Variants in SOS2 observed in about 807,000 individuals in gnomAD.
SOS2 encodes the protein son of sevenless homolog 2.
SOS2 carries 65 observed loss-of-function variants against 148.2 expected under a neutral mutation model. The ratio of observed to expected loss-of-function variants is 0.44; its 90% CI spans 0.36 to 0.54. The LOEUF (loss-of-function observed/expected upper bound fraction) is 0.54. Among genes scored for constraint, SOS2 ranks in the 20% least tolerant of loss-of-function variants. The pLI, the probability that SOS2 is intolerant of heterozygous loss-of-function variation, is 0.00. For synonymous variants in SOS2, 539 were observed against 537.1 expected (o/e 1.00, Z -0.05); for missense variants, 1,341 against 1,590.2 (o/e 0.84, Z 2.67).
At chr14:50,212,123 T>G (rs1886891555) in intron 1 of SOS2, among the ~76,000 whole-genome samples, 1 of 152,006 alleles carries the variant, frequency 6.6e-6, no homozygotes, top group African/African-American at 2.4e-5. Flanking sequence ...ATAAACAAAT[T>G]CAGAACAAAT....
intron 21 of SOS2, among the ~76,000 whole-genome samples, chr14:50,121,415 C>G (rs922428128): frequency 1.3e-5 from 2 of 151,928 alleles, no homozygotes; most frequent in African/African-American, 4.8e-5. Flanking sequence ...ATAAGTTTAA[C>G]TTTAAACACT....
chr14:50,211,032 GATAT>G lies in SOS2; in HGVS notation c.88-6627_88-6624del, dbSNP rs4028229. Among the ~76,000 whole-genome samples the G allele has an allele frequency of 7.5e-3, 1,115 of 149,322 alleles. 27 individuals are homozygous for G. Among genetic ancestry groups the G allele is most frequent in the Non-Finnish European group, 5.9e-3 (394 of 67,220 alleles). On this transcript the variant is annotated intron_variant, in intron 1 of 22. Transcript: ENST00000216373. ...CTATGACTGAGCAATTCCACTATAG[GATAT>G]ATATATATATATTCAGGATAGATTT...
intron 3 of SOS2, among the ~76,000 whole-genome samples, chr14:50,200,525 A>G (rs1398605038): frequency 1.3e-5 from 2 of 152,166 alleles, no homozygotes; most frequent in Non-Finnish European, 2.9e-5. Context: ...AATTAGTCAG[A>G]GTAGCAGTCA....
chr14:50,161,985 G>T (rs970755440), intron 8 of SOS2, among the ~76,000 whole-genome samples: 2 of 151,830 alleles, frequency 1.3e-5, no homozygotes, highest in African/African-American at 4.8e-5. Flanking sequence ...ACCTGCTCAA[G>T]CTATCCTTCT....
intron 16 of SOS2, among the ~76,000 whole-genome samples, chr14:50,140,718 A>G (rs1406441016): frequency 6.6e-6 from 1 of 152,190 alleles, no homozygotes; most frequent in Non-Finnish European, 1.5e-5. Context: ...AGTATAAGAA[A>G]TAAAGAGCTA....
chr14:50,194,822 G>T (rs550908151), intron 4 of SOS2, among the ~76,000 whole-genome samples: 1 of 149,980 alleles, frequency 6.7e-6, no homozygotes, highest in African/African-American at 2.4e-5. Flanking sequence ...ATGGAGTCTC[G>T]CTCTGTCACC....
chr14:50,166,851 A>C (rs914806554), intron 8 of SOS2, among the ~76,000 whole-genome samples: 2 of 152,178 alleles, frequency 1.3e-5, no homozygotes, highest in Non-Finnish European at 2.9e-5. Flanking sequence ...TTTATTAGTA[A>C]TAAACTCTCT....
At chr14:50,206,221 T>C (rs1464353676) in intron 1 of SOS2, among the ~76,000 whole-genome samples, 1 of 152,238 alleles carries the variant, frequency 6.6e-6, no homozygotes, top group East Asian at 1.9e-4. Flanking sequence ...TTTGTCAACC[T>C]TTCTTTTCTA....
intron 1 of SOS2, among the ~76,000 whole-genome samples, chr14:50,207,722 C>T (rs1451430153): frequency 1.3e-5 from 2 of 151,220 alleles, no homozygotes; most frequent in Non-Finnish European, 3.0e-5. Flanking sequence ...ACTGGACAAC[C>T]TGGTGAAACC....
chr14:50,219,671 T>C (rs1354062553), intron 1 of SOS2, among the ~76,000 whole-genome samples: 1 of 152,200 alleles, frequency 6.6e-6, no homozygotes, highest in Non-Finnish European at 1.5e-5. Flanking sequence ...ATTGTAAATA[T>C]ATGTACTGTA....
chr14:50,217,864 G>A (rs1887080308), intron 1 of SOS2, among the ~76,000 whole-genome samples: 1 of 152,086 alleles, frequency 6.6e-6, no homozygotes, highest in African/African-American at 2.4e-5. Context: ...GCTGAGGCAG[G>A]AGAATGGTGT....
rs115879048 is a variant in SOS2 at position 50,177,343 on chromosome 14, C to T, written c.970-2791G>A. Among the ~76,000 whole-genome samples the T allele has an allele frequency of 7.9e-3, 1,198 of 152,186 alleles. 13 individuals are homozygous for T. Among genetic ancestry groups the T allele is most frequent in the Middle Eastern group, 0.065 (19 of 294 alleles). The stretch of plus-strand genomic sequence containing the variant: ...TCTAAATAAATAAATAAATAAAGTA[C>T]GCTACACAGCTTCTAAAGATGCTTT... On this transcript the variant is annotated intron_variant, in intron 7 of 22. Coordinates refer to ENST00000216373, the MANE Select transcript of SOS2 (RefSeq NM_006939.4).
intron 9 of SOS2, 24 bp downstream of exon 9, chr14:50,161,458 A>C (rs754451562): frequency 5.8e-5 from 93 of 1,599,696 alleles, no homozygotes; most frequent in Non-Finnish European, 6.7e-5. Context: ...AGAGGCATTC[A>C]CGTTTTCAAC....
At chr14:50,213,631 A>G (rs1359033638) in intron 1 of SOS2, among the ~76,000 whole-genome samples, 2 of 152,040 alleles carry the variant, frequency 1.3e-5, no homozygotes, top group Non-Finnish European at 2.9e-5. Flanking sequence ...AGATTGTGCC[A>G]CTGCACTCCA....
intron 9 of SOS2, among the ~76,000 whole-genome samples, chr14:50,160,352 C>T (rs1210094348): frequency 7.6e-6 from 1 of 131,768 alleles, no homozygotes; most frequent in Non-Finnish European, 1.6e-5. Context: ...TTTATTAAGT[C>T]TATCCTAATA....
At chr14:50,220,299 G>A (rs1311803644) in intron 1 of SOS2, among the ~76,000 whole-genome samples, 8 of 147,818 alleles carry the variant, frequency 5.4e-5, no homozygotes, top group East Asian at 2.0e-4. Context: ...CCAGCTACTA[G>A]GGTGGCTGAG....
At chr14:50,135,641 G>GTTTT (rs1884051868) in intron 18 of SOS2, among the ~76,000 whole-genome samples, 1 of 68,454 alleles carries the variant, frequency 1.5e-5, no homozygotes, top group Non-Finnish European at 2.8e-5. Context: ...AATGTGGTTT[G>GTTTT]CTTTTTTTTT....
intron 7 of SOS2, among the ~76,000 whole-genome samples, chr14:50,175,998 G>A (rs1240718405): frequency 6.6e-6 from 1 of 152,196 alleles, no homozygotes; most frequent in Non-Finnish European, 1.5e-5. Context: ...GAATGTTTGT[G>A]TTCCCTCAAA....
At chr14:50,218,433 G>C (rs895553105) in intron 1 of SOS2, among the ~76,000 whole-genome samples, 1 of 151,820 alleles carries the variant, frequency 6.6e-6, no homozygotes, top group African/African-American at 2.4e-5. Flanking sequence ...TGAGGTGAAA[G>C]AATCGCTCGA....
Sources: gnomAD v4.1 joint callset for allele counts (sites outside exome capture counted in the v4.1 genomes callset) on GRCh38, gnomAD v4.1.1 for gene constraint, MANE v1.5 for transcripts, NCBI Gene and HGNC (gene_info 2026-07-23, HGNC 2026-07-21) for gene names.